The following CSGALNACT1 variants were observed in gnomAD, a reference collection of about 807,000 sequenced individuals.
CSGALNACT1 encodes the protein chondroitin sulfate N-acetylgalactosaminyltransferase 1.
Under a neutral mutation model 51.0 loss-of-function variants are expected in CSGALNACT1, and 52 were observed. The observed-to-expected ratio is 1.02, with a 90% CI of 0.82 to 1.29. The LOEUF is 1.29. Among genes scored for constraint, CSGALNACT1 ranks in the 50% most tolerant of loss-of-function variants. CSGALNACT1 has a pLI of 0.00. For missense variants in CSGALNACT1, 935 were observed against 679.2 expected (o/e 1.38, Z -4.19); for synonymous variants, 341 against 254.4 (o/e 1.34, Z -3.24).
At chr8:19,491,195 C>G (rs1471355809) in intron 4 of CSGALNACT1, among the ~76,000 whole-genome samples, 2 of 151,898 alleles carry the variant, frequency 1.3e-5, no homozygotes, top group Non-Finnish European at 2.9e-5. Flanking sequence ...AAATGATAGC[C>G]TTTGTCCTAT....
intron 3 of CSGALNACT1, among the ~76,000 whole-genome samples, chr8:19,557,839 T>C (rs746938251): frequency 1.8e-4 from 28 of 152,236 alleles, no homozygotes; most frequent in Non-Finnish European, 3.7e-4. Flanking sequence ...ACTTCGTTTG[T>C]TCACCACGCC....
At chr8:19,601,780 C>A in exon 2 of CSGALNACT1, 1 of 453,378 alleles carries the variant, frequency 2.2e-6, no homozygotes, top group East Asian at 7.0e-5. Context: ...CCTGGGGGTT[C>A]AAGAAGGGAA....
At chr8:19,719,576 G>A (rs1271590589) in intron 1 of CSGALNACT1, among the ~76,000 whole-genome samples, 2 of 152,174 alleles carry the variant, frequency 1.3e-5, no homozygotes, top group South Asian at 2.1e-4. Context: ...CAAAATAGTT[G>A]TGTGATGATG....
At chr8:19,575,046 A>G (rs927777979) in intron 3 of CSGALNACT1, among the ~76,000 whole-genome samples, 1 of 152,048 alleles carries the variant, frequency 6.6e-6, no homozygotes, top group African/African-American at 2.4e-5. Context: ...AAAAAAAAAA[A>G]ATTCCTCTCT....
upstream of CSGALNACT1, among the ~76,000 whole-genome samples, chr8:19,686,025 A>G (rs2060956483): frequency 6.6e-6 from 1 of 152,216 alleles, no homozygotes; most frequent in Admixed American, 6.5e-5. Context: ...GTGTTCCTCA[A>G]GTAGGAAGAT....
chr8:19,744,020 A>T lies in CSGALNACT1; in HGVS notation c.-297+13830T>A, dbSNP rs369482149. Among the ~76,000 whole-genome samples, 4 of 152,244 alleles carry T rather than the reference A, an allele frequency of 2.6e-5. No homozygotes were observed. The East Asian group carries it at 7.7e-4, about 29-fold the overall frequency. Reference sequence around the variant, plus strand: ...TGAGGTATGTTATGACCAGACTATTATTCTGAATGGTAATGCCAGGCTTGC... The same window carrying T: ...TGAGGTATGTTATGACCAGACTATTTTTCTGAATGGTAATGCCAGGCTTGC... On this transcript the variant is annotated intron_variant, in intron 1 of 1. Transcript: ENST00000517494.
chr8:19,622,001 G>C (rs1302904776), intron 1 of CSGALNACT1, among the ~76,000 whole-genome samples: 2 of 152,134 alleles, frequency 1.3e-5, no homozygotes, highest in Admixed American at 6.5e-5. Flanking sequence ...AATAACTCAA[G>C]TCCTGGTATG....
At chr8:19,666,859 AAG>A (rs1303566261) in intron 1 of CSGALNACT1, among the ~76,000 whole-genome samples, 3 of 123,896 alleles carry the variant, frequency 2.4e-5, no homozygotes, top group Non-Finnish European at 3.2e-5. Context: ...GAAAGAAAGA[AAG>A]AAAGAAAGAA....
intron 1 of CSGALNACT1, among the ~76,000 whole-genome samples, chr8:19,696,003 T>C (rs2061562913): frequency 6.6e-6 from 1 of 152,222 alleles, no homozygotes. Context: ...GAAAACACTC[T>C]GAATATAAAT....
At chr8:19,745,966 G>A (rs769471085) in intron 1 of CSGALNACT1, among the ~76,000 whole-genome samples, 1 of 152,122 alleles carries the variant, frequency 6.6e-6, no homozygotes, top group Admixed American at 6.5e-5. Context: ...CAATTACGAT[G>A]GATGAATGGT....
intron 8 of CSGALNACT1, among the ~76,000 whole-genome samples, chr8:19,414,461 G>A (rs1356373677): frequency 6.6e-6 from 1 of 152,138 alleles, no homozygotes; most frequent in Admixed American, 6.5e-5. Context: ...ACACATGAAA[G>A]CACCAGCAAG....
chr8:19,665,817 T>C (rs958639093), intron 1 of CSGALNACT1, among the ~76,000 whole-genome samples: 2 of 152,226 alleles, frequency 1.3e-5, no homozygotes, highest in Non-Finnish European at 2.9e-5. Context: ...TAAAAATGTG[T>C]TCTTCGCTAC....
intron 3 of CSGALNACT1, among the ~76,000 whole-genome samples, chr8:19,522,215 G>C (rs1354752651): frequency 6.6e-6 from 1 of 152,146 alleles, no homozygotes; most frequent in Non-Finnish European, 1.5e-5. Flanking sequence ...AATGTGGCAT[G>C]GACATCACTT....
chr8:19,426,108 T>C (rs1168196745), intron 6 of CSGALNACT1, among the ~76,000 whole-genome samples: 2 of 152,150 alleles, frequency 1.3e-5, no homozygotes, highest in African/African-American at 4.8e-5. Flanking sequence ...TCCAGCACTG[T>C]GCAGTAAACG....
intron 5 of CSGALNACT1, among the ~76,000 whole-genome samples, chr8:19,455,987 C>T (rs1417118814): frequency 6.6e-6 from 1 of 152,196 alleles, no homozygotes; most frequent in East Asian, 1.9e-4. Flanking sequence ...CAAGGGACAT[C>T]CAAATAGTAA....
chr8:19,532,754 T>G (rs557319184), intron 3 of CSGALNACT1, among the ~76,000 whole-genome samples: 1 of 152,308 alleles, frequency 6.6e-6, no homozygotes, highest in South Asian at 2.1e-4. Context: ...ATGTTCAGGC[T>G]GGTTAACCCT....
At chr8:19,457,610 C>T in intron 5 of CSGALNACT1, 1 of 1,216,932 alleles carries the variant, frequency 8.2e-7, no homozygotes, top group Non-Finnish European at 1.1e-6. Flanking sequence ...AAGACTCCAT[C>T]TCAAAAAAAA....
chr8:19,511,433 A>G (rs2078446309), intron 3 of CSGALNACT1, among the ~76,000 whole-genome samples: 1 of 152,238 alleles, frequency 6.6e-6, no homozygotes, highest in Non-Finnish European at 1.5e-5. Flanking sequence ...AACTCAAGTC[A>G]TATCTCTCGG....
intron 3 of CSGALNACT1, among the ~76,000 whole-genome samples, chr8:19,527,528 T>C (rs1047109632): frequency 6.6e-6 from 1 of 152,188 alleles, no homozygotes; most frequent in Non-Finnish European, 1.5e-5. Context: ...GAAAATCGCT[T>C]GAACCTGCGA....
Sources: gnomAD v4.1 joint callset for allele counts (sites outside exome capture counted in the v4.1 genomes callset) on GRCh38, gnomAD v4.1.1 for gene constraint, MANE v1.5 for transcripts, NCBI Gene and HGNC (gene_info 2026-07-23, HGNC 2026-07-21) for gene names.